Variants in PELI2 observed in about 807,000 individuals in gnomAD.
PELI2 encodes the protein E3 ubiquitin-protein ligase pellino homolog 2.
PELI2 carries 23 observed loss-of-function variants against 42.3 expected under a neutral mutation model. The observed-to-expected ratio is 0.54, with a 90% CI of 0.39 to 0.77. PELI2 has a LOEUF of 0.77. Among genes scored for constraint, PELI2 ranks in the 30% least tolerant of loss-of-function variants. PELI2 has a pLI of 0.00. For missense variants in PELI2, 463 were observed against 553.2 expected (o/e 0.84, Z 1.64); for synonymous variants, 245 against 212.2 (o/e 1.15, Z -1.34).
chr14:56,248,966 TTC>T (rs1435400757), intron 2 of PELI2, among the ~76,000 whole-genome samples: 2 of 152,192 alleles, frequency 1.3e-5, no homozygotes, highest in Admixed American at 1.3e-4. Flanking sequence ...AATGCACATC[TTC>T]TCTCCCAGTT....
At chr14:56,121,535 G>A (rs1883059415) in intron 1 of PELI2, among the ~76,000 whole-genome samples, 1 of 152,174 alleles carries the variant, frequency 6.6e-6, no homozygotes, top group Non-Finnish European at 1.5e-5. Flanking sequence ...CTACTTAACT[G>A]AAGGTAGAGA....
chr14:56,190,330 T>G (rs1206951907), intron 2 of PELI2, among the ~76,000 whole-genome samples: 1 of 152,244 alleles, frequency 6.6e-6, no homozygotes, highest in African/African-American at 2.4e-5. Context: ...TTGGTTCTCT[T>G]AAAATGCAGA....
At chr14:56,128,743 G>A (rs942155937) in intron 1 of PELI2, among the ~76,000 whole-genome samples, 1 of 151,976 alleles carries the variant, frequency 6.6e-6, no homozygotes, top group African/African-American at 2.4e-5. Flanking sequence ...TTTGGGCTAG[G>A]GTTATAGTAG....
chr14:56,196,866 G>A (rs1439590934), intron 2 of PELI2, among the ~76,000 whole-genome samples: 2 of 152,102 alleles, frequency 1.3e-5, no homozygotes, highest in Non-Finnish European at 2.9e-5. Context: ...TGTTCATGGT[G>A]TCTCATCTCA....
chr14:56,172,145 T>G (rs1885197641), intron 1 of PELI2, among the ~76,000 whole-genome samples: 1 of 152,226 alleles, frequency 6.6e-6, no homozygotes, highest in Non-Finnish European at 1.5e-5. Context: ...AACATGTTAC[T>G]TAATGCACAA....
chr14:56,189,210 A>G (rs930889384), intron 2 of PELI2, among the ~76,000 whole-genome samples: 4 of 152,220 alleles, frequency 2.6e-5, no homozygotes, highest in Admixed American at 1.3e-4. Context: ...AGACCAGGTT[A>G]TTGTACAGTA....
chr14:56,243,261 T>C (rs1358453255), intron 2 of PELI2, among the ~76,000 whole-genome samples: 1 of 152,196 alleles, frequency 6.6e-6, no homozygotes, highest in African/African-American at 2.4e-5. Flanking sequence ...ATGGCAGCCA[T>C]CACTTGGGAG....
intron 5 of PELI2, among the ~76,000 whole-genome samples, chr14:56,296,230 T>G (rs1889996367): frequency 6.6e-6 from 1 of 152,192 alleles, no homozygotes; most frequent in Non-Finnish European, 1.5e-5. Context: ...CTGGATGGAC[T>G]GGTAGGACAT....
At chr14:56,170,349 C>T (rs1885121472) in intron 1 of PELI2, among the ~76,000 whole-genome samples, 1 of 152,188 alleles carries the variant, frequency 6.6e-6, no homozygotes. Context: ...TGACTGGGAG[C>T]ACCTAGCATC....
intron 2 of PELI2, among the ~76,000 whole-genome samples, chr14:56,259,158 T>C (rs1027882142): frequency 1.3e-5 from 2 of 152,102 alleles, no homozygotes; most frequent in African/African-American, 4.8e-5. Flanking sequence ...GTAAAGACTT[T>C]ATTTCAGAAA....
chr14:56,262,494 A>G (rs944063358), intron 2 of PELI2, among the ~76,000 whole-genome samples: 6 of 152,264 alleles, frequency 3.9e-5, no homozygotes, highest in African/African-American at 1.4e-4. Flanking sequence ...TCTCACAACC[A>G]ATTCTTTTCG....
chr14:56,270,651 G>A (rs1280931373), intron 2 of PELI2, among the ~76,000 whole-genome samples: 1 of 152,196 alleles, frequency 6.6e-6, no homozygotes, highest in African/African-American at 2.4e-5. Context: ...GCAGGGAACT[G>A]CTCTAAATAC....
intron 1 of PELI2, chr14:56,118,959 G>T: frequency 3.8e-6 from 1 of 261,292 alleles, no homozygotes; most frequent in Non-Finnish European, 7.2e-6. Context: ...CTGTCCGCGC[G>T]GAGGACGCGG....
At chr14:56,287,004 A>G (rs1889667473) in intron 3 of PELI2, among the ~76,000 whole-genome samples, 2 of 152,300 alleles carry the variant, frequency 1.3e-5, no homozygotes, top group South Asian at 4.1e-4. Flanking sequence ...ATTTGGATGA[A>G]CTCAGAATGT....
intron 1 of PELI2, among the ~76,000 whole-genome samples, chr14:56,133,961 A>G (rs1883590630): frequency 6.6e-6 from 1 of 152,206 alleles, no homozygotes; most frequent in Admixed American, 6.5e-5. Context: ...ACCCTGCTGT[A>G]GTTTTTAAGA....
intron 1 of PELI2, among the ~76,000 whole-genome samples, chr14:56,168,880 G>A (rs1034809272): frequency 3.3e-5 from 5 of 152,130 alleles, no homozygotes; most frequent in South Asian, 2.1e-4. Context: ...GGGCTCTTCA[G>A]TTAACAGGTG....
chr14:56,174,214 T>G (rs1230823361), intron 1 of PELI2, among the ~76,000 whole-genome samples: 1 of 152,336 alleles, frequency 6.6e-6, no homozygotes, highest in African/African-American at 2.4e-5. Flanking sequence ...TGGATTTATC[T>G]TTTTAAGGCC....
chr14:56,227,263 G>A (rs1173336655), intron 2 of PELI2, among the ~76,000 whole-genome samples: 2 of 152,166 alleles, frequency 1.3e-5, no homozygotes, highest in African/African-American at 2.4e-5. Context: ...TGAGAGGGAT[G>A]AGATGGGGGT....
intron 2 of PELI2, among the ~76,000 whole-genome samples, chr14:56,271,257 G>A (rs751304947): frequency 2.0e-5 from 3 of 152,178 alleles, no homozygotes; most frequent in Non-Finnish European, 4.4e-5. Flanking sequence ...TCATAAATGT[G>A]CAGCTTTCTG....
Sources: allele counts gnomAD v4.1 joint callset (sites outside exome capture counted in the v4.1 genomes callset), GRCh38; gene constraint gnomAD v4.1.1; transcripts MANE v1.5; gene names NCBI Gene and HGNC (gene_info 2026-07-23, HGNC 2026-07-21).